Variants in ZSCAN2 observed in about 807,000 individuals in gnomAD.
The protein encoded by ZSCAN2 is zinc finger and SCAN domain-containing protein 2.
ZSCAN2 carries 26 observed loss-of-function variants against 47.8 expected under a neutral mutation model. That is an observed-to-expected ratio of 0.54 (90% confidence interval 0.40 to 0.75). The LOEUF is 0.75. ZSCAN2 is among the 30% of genes least tolerant of loss of function. ZSCAN2 has a pLI of 0.00. For missense variants in ZSCAN2, 732 were observed against 785.4 expected, an observed-to-expected ratio of 0.93 and a Z score of 0.81; for synonymous variants, 305 against 288.7, an observed-to-expected ratio of 1.06 and a Z score of -0.57.
Position 84,621,407 on chromosome 15 carries a change from C to G in ZSCAN2, c.1212C>G (p.Ala404=). The G allele has an allele frequency of 1.9e-6, 3 of 1,613,992 alleles. No homozygotes were observed. Among genetic ancestry groups the G allele is most frequent in the Non-Finnish European group, 2.5e-6 (3 of 1,179,984 alleles). ...DCGQRFSQSS[A]LITHRRTHTG... is the part of the protein sequence containing the mutation. ...GGCAGAGGTTCAGCCAGAGTTCAGC[C>G]CTCATCACCCACCGGAGAACCCACA... Residue 404 remains alanine, a synonymous_variant, in exon 3 of 3, where the codon GCC becomes GCG. Transcript: ENST00000546148. This position sits in a 1 kb window ranked among gnomAD's most constrained non-coding sequence, Gnocchi z 5.7.
At position 84,622,572 on chromosome 15, in the gene ZSCAN2, T is replaced by C; in HGVS notation, c.*532T>C. On this transcript the variant is annotated 3_prime_UTR_variant, in exon 3 of 3. Coordinates refer to ENST00000546148, the MANE Select transcript of ZSCAN2 (RefSeq NM_181877.4). ...CTGGCTTTGGTGTCTTGGGCTTTGA[T>C]TTCAGGTCAAGATGGAGGGGCTTCT... 1 of 715,760 alleles carries C rather than the reference T, an allele frequency of 1.4e-6. No individual in the cohort carries two copies. The highest frequency in any genetic ancestry group is 1.5e-5 in the South Asian group (1 of 67,386). The allele number at this position is 715,760 out of a possible 1,614,324, so 44.3% of individuals were successfully genotyped here. A position where few individuals can be genotyped will look rare whatever the true frequency, so the allele number is the denominator to read the frequency against.
Position 84,622,793 on chromosome 15 carries a change from C to T in ZSCAN2, c.*753C>T. The T allele has an allele frequency of 1.5e-6, 1 of 668,934 alleles. No individual in the cohort carries two copies. The highest frequency in any genetic ancestry group is 2.8e-6 in the Non-Finnish European group (1 of 363,608). 41.4% of individuals were successfully genotyped at this position (668,934 alleles called of 1,614,324 possible). ...CTTGCTTTTGTCTCTGCCTACTGTCCTGTGGTAGATCAGCTACCAGGGGAA... is the reference window on the plus strand; with the variant it reads ...CTTGCTTTTGTCTCTGCCTACTGTCTTGTGGTAGATCAGCTACCAGGGGAA... On this transcript the variant is annotated 3_prime_UTR_variant, in exon 3 of 3. Coordinates refer to ENST00000546148, the MANE Select transcript of ZSCAN2 (RefSeq NM_181877.4).
At position 84,621,336 on chromosome 15, in the gene ZSCAN2, C is replaced by A. The variant is rs1403850039; in HGVS notation, c.1141C>A (p.Gln381Lys). Residue 381 changes from glutamine (Q) to lysine (K), a missense_variant, in exon 3 of 3, where the codon CAG becomes AAG. Physicochemically the swap from Gln to Lys is moderately conservative, Grantham distance 53 (BLOSUM62 1). This residue lies in a region of ZSCAN2 where 412 missense variants were observed against 498.0 expected (regional missense o/e 0.83). Coordinates refer to ENST00000546148, the MANE Select transcript of ZSCAN2 (RefSeq NM_181877.4). The surrounding 1 kb of genome is among the most constrained non-coding windows in gnomAD (Gnocchi z 5.7). Reference protein sequence around the residue: ...FSYNSNLIRHQRIHTGEKPYK... With the variant: ...FSYNSNLIRHKRIHTGEKPYK... ...TTACAACTCCAATCTAATCAGACAC[C>A]AGAGAATCCACACAGGAGAGAAACC... 1 of 1,613,868 alleles carries A rather than the reference C, an allele frequency of 6.2e-7. No homozygotes were observed.
intron 2 of ZSCAN2, among the ~76,000 whole-genome samples, chr15:84,617,590 G>A (rs1418755836): frequency 2.0e-5 from 3 of 152,174 alleles, no homozygotes; most frequent in Non-Finnish European, 4.4e-5. Flanking sequence ...ATTACCAGCA[G>A]CATGTGTCAG....
At position 84,603,919 on chromosome 15, in the gene ZSCAN2, G is replaced by A; in HGVS notation, c.-9G>A. On this transcript the variant is annotated 5_prime_UTR_variant, in exon 2 of 3. Coordinates refer to ENST00000546148, the MANE Select transcript of ZSCAN2 (RefSeq NM_181877.4). ...GCTTGAAGCCTAAGTGATTGCCCCAGGACTGTGGATGATGGCTGCAGACAT... is the reference window on the plus strand; with the variant it reads ...GCTTGAAGCCTAAGTGATTGCCCCAAGACTGTGGATGATGGCTGCAGACAT... The A allele has an allele frequency of 6.2e-7, 1 of 1,611,262 alleles. No individual in the cohort carries two copies. The highest frequency in any genetic ancestry group is 8.5e-7 in the Non-Finnish European group (1 of 1,178,430).
chr15:84,602,338 A>G (rs1342593376), intron 1 of ZSCAN2: 2 of 152,104 alleles, frequency 1.3e-5, no homozygotes, highest in Non-Finnish European at 2.9e-5. Flanking sequence ...TTATTTTCCT[A>G]TCAGAAGGAT....
intron 2 of ZSCAN2, among the ~76,000 whole-genome samples, chr15:84,607,760 T>C (rs1895425960): frequency 6.6e-6 from 1 of 152,160 alleles, no homozygotes; most frequent in African/African-American, 2.4e-5. Flanking sequence ...CCACCCACCT[T>C]GGCTTCCCAA....
chr15:84,606,071 T>C (rs1895372471), intron 2 of ZSCAN2, among the ~76,000 whole-genome samples: 1 of 152,146 alleles, frequency 6.6e-6, no homozygotes, highest in Non-Finnish European at 1.5e-5. Context: ...GTGTTGGAAG[T>C]TGGGGATGCA....
chr15:84,601,297 G>C (rs1895194824), intron 1 of ZSCAN2, 162 bp downstream of exon 1: 1 of 152,236 alleles, frequency 6.6e-6, no homozygotes, highest in Non-Finnish European at 1.5e-5. Context: ...TTACGCGCCG[G>C]CTCCGCTCAG....
chr15:84,608,357 C>G (rs1162674632), intron 2 of ZSCAN2, among the ~76,000 whole-genome samples: 1 of 151,818 alleles, frequency 6.6e-6, no homozygotes, highest in East Asian at 1.9e-4. Context: ...TAGTGAAACC[C>G]TGTCTCTGCT....
Position 84,621,220 on chromosome 15 carries a change from G to C in ZSCAN2, c.1025G>C (p.Ser342Thr). 1.2e-6 allele frequency: 2 copies of C among 1,614,102 alleles called. No homozygotes were observed. The highest frequency in any genetic ancestry group is 1.7e-6 in the Non-Finnish European group (2 of 1,180,026). ...TACTCGTGCCCCGAGTGTGGAAAGA[G>C]CTTTGGCAACCGATCCAGCCTTAAC... Reference protein sequence around the residue: ...KPYSCPECGKSFGNRSSLNTH... With the variant: ...KPYSCPECGKTFGNRSSLNTH... Residue 342 changes from serine to threonine, a missense_variant, in exon 3 of 3, where the codon AGC becomes ACC. Physicochemically the swap from Ser to Thr is moderately conservative, Grantham distance 58. Transcript: ENST00000546148. The surrounding 1 kb of genome is among the most constrained non-coding windows in gnomAD (Gnocchi z 5.7).
chr15:84,621,746 C>G lies in ZSCAN2; in HGVS notation c.1551C>G (p.Leu517=), dbSNP rs151001508. 9.9e-6 allele frequency: 16 copies of G among 1,614,072 alleles called. No individual in the cohort carries two copies. Among genetic ancestry groups the G allele is most frequent in the Non-Finnish European group, 1.4e-5 (16 of 1,180,048 alleles). ...AATGCTTCAGCCAGCGCTCCCAGCT[C>G]GTAGTGCACCAGCGGACCCACACGG... ...CGKCFSQRSQ[L]VVHQRTHTGE... The change falls in exon 3 of 3, where the codon CTC becomes CTG. Residue 517 remains leucine (L), a synonymous_variant. Transcript: ENST00000546148. The surrounding 1 kb of genome is among the most constrained non-coding windows in gnomAD (Gnocchi z 5.7).
chr15:84,603,509 C>T (rs1895275203), intron 1 of ZSCAN2, among the ~76,000 whole-genome samples: 1 of 151,898 alleles, frequency 6.6e-6, no homozygotes, highest in Non-Finnish European at 1.5e-5. Flanking sequence ...GCAGGAACTA[C>T]AGGCCCCCGC....
At position 84,621,259 on chromosome 15, in the gene ZSCAN2, T is replaced by C. The variant is rs1448420246; in HGVS notation, c.1064T>C (p.Ile355Thr). 6.2e-7 allele frequency: 1 copy of C among 1,612,420 alleles called. No individual in the cohort carries two copies. The highest frequency in any genetic ancestry group is 1.3e-5 in the African/African-American group (1 of 74,220). ...NRSSLNTHQGIHTGEKPYECK... is the reference protein window; with the variant it reads ...NRSSLNTHQGTHTGEKPYECK... ...TCCAGCCTTAACACGCATCAGGGGA[T>C]CCACACTGGAGAAAAGCCCTACGAA... The change falls in exon 3 of 3, where the codon ATC (isoleucine) becomes ACC (threonine). Residue 355 changes from isoleucine to threonine, a missense_variant. Physicochemically the swap from Ile to Thr is moderately conservative, Grantham distance 89. Coordinates refer to ENST00000546148, the MANE Select transcript of ZSCAN2 (RefSeq NM_181877.4). This position sits in a 1 kb window ranked among gnomAD's most constrained non-coding sequence, Gnocchi z 5.7.
rs1261098770 is a variant in ZSCAN2 at position 84,622,450 on chromosome 15, TTTG to T, written c.*416_*418del. The T allele has an allele frequency of 3.3e-6, 2 of 613,446 alleles. No homozygotes were observed. Among genetic ancestry groups the T allele is most frequent in the African/African-American group, 1.9e-5 (1 of 53,516 alleles). 38.0% of individuals were successfully genotyped at this position (613,446 alleles called of 1,614,324 possible). A position where few individuals can be genotyped will look rare whatever the true frequency, so the allele number is the denominator to read the frequency against. ...AAATCATTGGTGTGGTTCTGGTTGTTTTGTTGTTTTGCTGCCACGTTGTTGGGC... is the reference window on the plus strand; with the variant it reads ...AAATCATTGGTGTGGTTCTGGTTGTTTTGTTTTGCTGCCACGTTGTTGGGC... On this transcript the variant is annotated 3_prime_UTR_variant, in exon 3 of 3. Transcript: ENST00000546148.
At position 84,622,151 on chromosome 15, in the gene ZSCAN2, GC is replaced by G; in HGVS notation, c.*113del. On this transcript the variant is annotated 3_prime_UTR_variant, in exon 3 of 3. Transcript: ENST00000546148. ...CTTCCTAAACATTCTGGGGGGTTTT[GC>G]CAGAGTCTTCCCCTTGCTCATCCTC... 1 of 1,007,918 alleles carries G rather than the reference GC, an allele frequency of 9.9e-7. No homozygotes were observed. Among genetic ancestry groups the G allele is most frequent in the Non-Finnish European group, 1.5e-6 (1 of 674,348 alleles). 62.4% of individuals were successfully genotyped at this position (1,007,918 alleles called of 1,614,324 possible).
rs200358209 is a variant in ZSCAN2 at position 84,621,505 on chromosome 15, G to T, written c.1310G>T (p.Arg437Leu). ...FSRSSNLATH[R>L]RTHMVEKPYK... ...CGCAGCTCTAACCTGGCCACACACC[G>T]GAGAACCCACATGGTGGAGAAGCCC... Residue 437 changes from arginine (R) to leucine (L), a missense_variant, in exon 3 of 3, where the codon CGG becomes CTG. Arg to Leu is a moderately radical substitution (Grantham distance 102, BLOSUM62 -2). Transcript: ENST00000546148. This position sits in a 1 kb window ranked among gnomAD's most constrained non-coding sequence, Gnocchi z 5.7. 1.2e-6 allele frequency: 2 copies of T among 1,612,536 alleles called. No homozygotes were observed. The highest frequency in any genetic ancestry group is 2.2e-5 in the South Asian group (2 of 90,988).
intron 2 of ZSCAN2, among the ~76,000 whole-genome samples, chr15:84,615,470 A>G (rs986829781): frequency 6.6e-6 from 1 of 152,090 alleles, no homozygotes; most frequent in Admixed American, 6.6e-5. Context: ...AGCTGGGTCT[A>G]CAAGTGTGTA....
intron 1 of ZSCAN2, among the ~76,000 whole-genome samples, chr15:84,602,669 ACCT>A (rs1454682150): frequency 6.9e-6 from 1 of 145,160 alleles, no homozygotes; most frequent in Non-Finnish European, 1.5e-5. Context: ...GCTCACTGCA[ACCT>A]CCTCCTCCCA....
Sources: gnomAD v4.1 joint callset for allele counts (sites outside exome capture counted in the v4.1 genomes callset) on GRCh38, gnomAD v4.1.1 for gene constraint, gnomAD v4.1.1 regional missense constraint, Gnocchi (gnomAD v3.1) non-coding constraint, MANE v1.5 for transcripts, NCBI Gene and HGNC (gene_info 2026-07-23, HGNC 2026-07-21) for gene names.